SEMA5A: variants seen among roughly 807,000 people sequenced by gnomAD.
The protein encoded by SEMA5A is semaphorin-5A.
Under a neutral mutation model 135.5 loss-of-function variants are expected in SEMA5A, and 55 were observed. The ratio of observed to expected loss-of-function variants is 0.41; its 90% CI spans 0.33 to 0.51. SEMA5A has a LOEUF of 0.51. SEMA5A is among the 20% of genes least tolerant of loss of function. The pLI is 0.37. For missense variants in SEMA5A, 1,290 were observed against 1,419.9 expected (o/e 0.91, Z 1.47); for synonymous variants, 580 against 546.5 (o/e 1.06, Z -0.85).
intron 3 of SEMA5A, 123 bp from the exon 4 acceptor site, chr5:9,337,935 G>A (rs963356032): frequency 7.7e-6 from 5 of 646,924 alleles, no homozygotes; most frequent in African/African-American, 3.7e-5. Context: ...GTCCCTCTAT[G>A]CCATCTTTCA....
At chr5:9,524,215 A>G (rs1473409925) in intron 1 of SEMA5A, among the ~76,000 whole-genome samples, 1 of 152,152 alleles carries the variant, frequency 6.6e-6, no homozygotes, top group Non-Finnish European at 1.5e-5. Flanking sequence ...CCATGACTGT[A>G]AGTTTCCTGA....
At chr5:9,171,820 T>C (rs1251600232) in intron 11 of SEMA5A, among the ~76,000 whole-genome samples, 1 of 151,782 alleles carries the variant, frequency 6.6e-6, no homozygotes, top group Non-Finnish European at 1.5e-5. Flanking sequence ...GGATGAGAGG[T>C]CAGTGCCTGG....
At chr5:9,176,065 GC>G (rs1744187553) in intron 11 of SEMA5A, among the ~76,000 whole-genome samples, 1 of 152,178 alleles carries the variant, frequency 6.6e-6, no homozygotes, top group African/African-American at 2.4e-5. Flanking sequence ...ATGTGACATT[GC>G]CACAGTGAAG....
chr5:9,074,653 T>C (rs1276377537), intron 16 of SEMA5A, among the ~76,000 whole-genome samples: 1 of 152,104 alleles, frequency 6.6e-6, no homozygotes, highest in Non-Finnish European at 1.5e-5. Context: ...GTATAAAAAC[T>C]AACTAATAGA....
intron 1 of SEMA5A, among the ~76,000 whole-genome samples, chr5:9,463,859 C>A (rs558241165): frequency 2.0e-5 from 3 of 152,310 alleles, no homozygotes; most frequent in Admixed American, 6.5e-5. Context: ...CTCCACACCC[C>A]CCTGAAGGTG....
chr5:9,516,588 G>A (rs1250066815), intron 1 of SEMA5A: 2 of 152,228 alleles, frequency 1.3e-5, no homozygotes, highest in Non-Finnish European at 2.9e-5. Flanking sequence ...AGTGTGAAGA[G>A]ACACGACAGT....
chr5:9,072,418 A>ATGATTT (rs1201654269), intron 16 of SEMA5A, among the ~76,000 whole-genome samples: 7 of 152,182 alleles, frequency 4.6e-5, no homozygotes, highest in African/African-American at 1.7e-4. Context: ...ATCACCCATC[A>ATGATTT]CGATTTCAAT....
At chr5:9,475,112 A>G (rs940019777) in intron 1 of SEMA5A, among the ~76,000 whole-genome samples, 1 of 152,146 alleles carries the variant, frequency 6.6e-6, no homozygotes, top group African/African-American at 2.4e-5. Flanking sequence ...TCGTATTTTT[A>G]GGAGAGACTG....
chr5:9,454,163 C>T (rs1579567008), intron 1 of SEMA5A, among the ~76,000 whole-genome samples: 1 of 152,208 alleles, frequency 6.6e-6, no homozygotes, highest in Admixed American at 6.5e-5. Context: ...CATTGACAGG[C>T]ATCAGGGACG....
At position 9,108,257 on chromosome 5, in the gene SEMA5A, T is replaced by TG; in HGVS notation, c.1955dup (p.His653ThrfsTer29). On this transcript the variant is annotated frameshift_variant, in exon 16 of 23. Coordinates refer to ENST00000382496, the MANE Select transcript of SEMA5A (RefSeq NM_003966.3). LOFTEE classifies it high-confidence loss of function. The stretch of plus-strand genomic sequence containing the variant: ...GACCCCAGCCTGTCCAGAACATGTG[T>TG]GGGGGACATAGCAAATGTTCATTGC... 6.2e-7 allele frequency: 1 copy of TG among 1,614,142 alleles called. No individual in the cohort carries two copies. The highest frequency in any genetic ancestry group is 8.5e-7 in the Non-Finnish European group (1 of 1,180,038).
intron 2 of SEMA5A, among the ~76,000 whole-genome samples, 192 bp downstream of exon 2, chr5:9,437,564 C>T (rs1265539511): frequency 6.6e-6 from 1 of 152,056 alleles, no homozygotes; most frequent in Non-Finnish European, 1.5e-5. Context: ...ACCATGTTGG[C>T]CAGGCTGGAA....
chr5:9,376,761 G>T (rs1042136836), intron 3 of SEMA5A, among the ~76,000 whole-genome samples: 5 of 152,054 alleles, frequency 3.3e-5, no homozygotes, highest in African/African-American at 1.2e-4. Flanking sequence ...CACTGAGTTT[G>T]GTCCAAATCC....
chr5:9,247,552 G>A (rs1393628947), intron 5 of SEMA5A, among the ~76,000 whole-genome samples: 1 of 152,032 alleles, frequency 6.6e-6, no homozygotes, highest in Non-Finnish European at 1.5e-5. Flanking sequence ...GTTTCCTGGG[G>A]AATTGTTTTA....
chr5:9,236,807 CT>C (rs964368954), intron 6 of SEMA5A, among the ~76,000 whole-genome samples: 3 of 152,142 alleles, frequency 2.0e-5, no homozygotes, highest in Non-Finnish European at 4.4e-5. Flanking sequence ...CTTCCTACTC[CT>C]TTATTCAGGG....
intron 1 of SEMA5A, chr5:9,517,212 A>G (rs759260468): frequency 2.0e-5 from 3 of 152,226 alleles, no homozygotes; most frequent in Non-Finnish European, 2.9e-5. Flanking sequence ...AGAGAAACCA[A>G]TTCTGTGAAG....
intron 1 of SEMA5A, among the ~76,000 whole-genome samples, chr5:9,537,084 G>T (rs974723891): frequency 1.3e-5 from 2 of 152,044 alleles, no homozygotes; most frequent in African/African-American, 4.8e-5. Context: ...GTTAGAAAAA[G>T]TAGAAATCAT....
At chr5:9,406,060 G>A (rs974520371) in intron 2 of SEMA5A, among the ~76,000 whole-genome samples, 10 of 152,198 alleles carry the variant, frequency 6.6e-5, no homozygotes, top group African/African-American at 1.4e-4. Context: ...TCTGCCTTAC[G>A]TAGTCAGAGA....
chr5:9,188,626 A>G (rs1390191166), intron 11 of SEMA5A, among the ~76,000 whole-genome samples: 2 of 152,060 alleles, frequency 1.3e-5, no homozygotes, highest in Non-Finnish European at 1.5e-5. Flanking sequence ...AGATGGCCCT[A>G]TTCTCCGTGT....
intron 2 of SEMA5A, among the ~76,000 whole-genome samples, chr5:9,384,659 G>T (rs1244353576): frequency 0.012 from 999 of 84,014 alleles, 59 homozygotes; most frequent in Middle Eastern, 0.019. Flanking sequence ...TAGATAGATA[G>T]ATATAGATAG....
Sources: gnomAD v4.1 joint callset for allele counts (sites outside exome capture counted in the v4.1 genomes callset) on GRCh38, gnomAD v4.1.1 for gene constraint, MANE v1.5 for transcripts, NCBI Gene and HGNC (gene_info 2026-07-23, HGNC 2026-07-21) for gene names.